The following MTFR1 variants were observed in gnomAD, a reference collection of about 807,000 sequenced individuals.
MTFR1 encodes mitochondrial fission regulator 1, also known as chondrocyte protein with a poly-proline region.
A neutral mutation model predicts 38.8 loss-of-function variants in MTFR1; 28 were observed. The ratio of observed to expected loss-of-function variants is 0.72; its 90% CI spans 0.53 to 0.99. The LOEUF (loss-of-function observed/expected upper bound fraction) is 0.99, where lower values mean the gene tolerates loss of function less well. MTFR1 is among the 50% of genes least tolerant of loss of function. The pLI is 0.00. For synonymous variants in MTFR1, 145 were observed against 137.0 expected, an observed-to-expected ratio of 1.06 and a Z score of -0.41; for missense variants, 358 against 395.5, an observed-to-expected ratio of 0.91 and a Z score of 0.81.
chr8:65,734,347 CT>C (rs1807032986), intron 3 of MTFR1, among the ~76,000 whole-genome samples: 1 of 152,228 alleles, frequency 6.6e-6, no homozygotes, highest in South Asian at 2.1e-4. Flanking sequence ...CCACTCTGCT[CT>C]CTTCCATGGA....
chr8:65,698,698 C>T (rs1805519727), intron 4 of MTFR1, among the ~76,000 whole-genome samples: 1 of 151,616 alleles, frequency 6.6e-6, no homozygotes, highest in African/African-American at 2.4e-5. Flanking sequence ...TCACCTTCTA[C>T]TCTCAAGTAG....
downstream of MTFR1, among the ~76,000 whole-genome samples, chr8:65,775,074 T>C (rs1363294026): frequency 6.6e-6 from 1 of 152,200 alleles, no homozygotes; most frequent in Non-Finnish European, 1.5e-5. Context: ...AGTGTTCAAA[T>C]ATATTTTTGG....
chr8:65,741,574 G>C (rs1807439425), intron 3 of MTFR1, among the ~76,000 whole-genome samples: 1 of 152,114 alleles, frequency 6.6e-6, no homozygotes, highest in Non-Finnish European at 1.5e-5. Context: ...CATGTGGAAA[G>C]AAAAAAGCAT....
At chr8:65,735,782 T>C (rs964798824) in intron 3 of MTFR1, among the ~76,000 whole-genome samples, 1 of 152,122 alleles carries the variant, frequency 6.6e-6, no homozygotes, top group African/African-American at 2.4e-5. Context: ...CCTGCCATCA[T>C]GCTCGGCTAA....
At chr8:65,679,063 A>T (rs1371651055) in intron 2 of MTFR1, among the ~76,000 whole-genome samples, 1 of 152,202 alleles carries the variant, frequency 6.6e-6, no homozygotes, top group African/African-American at 2.4e-5. Context: ...AATCCTTTCT[A>T]AATTTTTCTT....
At chr8:65,774,319 A>ATAC (rs1809195891), downstream of MTFR1, among the ~76,000 whole-genome samples, 2 of 151,560 alleles carry the variant, frequency 1.3e-5, no homozygotes, top group African/African-American at 4.9e-5. Context: ...TAGTGAGAAT[A>ATAC]TTATAAAAAG....
intron 1 of MTFR1, among the ~76,000 whole-genome samples, chr8:65,659,665 C>T (rs974345973): frequency 1.1e-4 from 16 of 151,906 alleles, no homozygotes; most frequent in South Asian, 4.2e-4. Context: ...TGACAGGAAG[C>T]GGGTAGGCTG....
chr8:65,690,013 G>C lies in MTFR1; in HGVS notation c.166-3631G>C, dbSNP rs528778120. ...ACTTGGTATCATTTGCCTAATTAAG[G>C]CTTAAGTAAGATCCAAATTAAGTCC... On this transcript the variant is annotated intron_variant, in intron 3 of 7. Coordinates refer to ENST00000262146, the MANE Select transcript of MTFR1 (RefSeq NM_014637.4). Among the ~76,000 whole-genome samples the C allele has an allele frequency of 2.6e-5, 4 of 152,164 alleles. No individual in the cohort carries two copies. In the East Asian group the frequency reaches 7.7e-4, roughly 29 times the overall value.
At chr8:65,660,622 C>G (rs912472814) in intron 1 of MTFR1, among the ~76,000 whole-genome samples, 1 of 152,182 alleles carries the variant, frequency 6.6e-6, no homozygotes, top group Non-Finnish European at 1.5e-5. Flanking sequence ...AGCTTGCACA[C>G]GGCAGACTGT....
At chr8:65,720,874 C>T (rs10504391) in intron 3 of MTFR1, among the ~76,000 whole-genome samples, 3,710 of 152,290 alleles carry the variant, frequency 0.024, 167 homozygotes, top group African/African-American at 0.083. Flanking sequence ...GTCTTTCCTA[C>T]GTGCCATAAA....
chr8:65,769,247 CAAAAAAAAAAA>C (rs61554087), intron 3 of MTFR1, among the ~76,000 whole-genome samples: 2 of 74,456 alleles, frequency 2.7e-5, no homozygotes, highest in Admixed American at 3.1e-4. Flanking sequence ...GACTCAGTCT[CAAAAAAAAAAA>C]AAAAAAAAAA....
At chr8:65,758,004 T>C (rs1808317982) in intron 3 of MTFR1, among the ~76,000 whole-genome samples, 1 of 152,098 alleles carries the variant, frequency 6.6e-6, no homozygotes. Flanking sequence ...TAGTCCTCCT[T>C]TTCTCCACTT....
chr8:65,695,967 A>G (rs1805428579), intron 4 of MTFR1, among the ~76,000 whole-genome samples: 2 of 152,106 alleles, frequency 1.3e-5, no homozygotes, highest in Admixed American at 6.5e-5. Context: ...ACCCCAACCC[A>G]TCACCCAAAG....
intron 3 of MTFR1, chr8:65,735,041 C>T (rs1315958935): frequency 1.6e-6 from 1 of 617,686 alleles, no homozygotes; most frequent in East Asian, 2.7e-5. Context: ...ATAATCACCT[C>T]ACAACTCACA....
chr8:65,721,082 A>G (rs568756614), intron 3 of MTFR1, among the ~76,000 whole-genome samples: 1 of 152,250 alleles, frequency 6.6e-6, no homozygotes, highest in African/African-American at 2.4e-5. Context: ...TACCTGATAA[A>G]AATGAACAGA....
At chr8:65,724,320 G>C (rs1303604147) in intron 3 of MTFR1, 1 of 1,612,330 alleles carries the variant, frequency 6.2e-7, no homozygotes, top group Non-Finnish European at 8.5e-7. Context: ...CGTCCGACAT[G>C]GGTTACAAAT....
the MTFR1 span, among the ~76,000 whole-genome samples, chr8:65,778,552 G>C: frequency 6.6e-6 from 1 of 152,190 alleles, no homozygotes; most frequent in Non-Finnish European, 1.5e-5. Context: ...CTGAATTCCT[G>C]ATTCTCGGAA....
chr8:65,714,217 G>A (rs1806042228), downstream of MTFR1: 1 of 149,736 alleles, frequency 6.7e-6, no homozygotes, highest in African/African-American at 2.5e-5. Flanking sequence ...GCCATCTTCT[G>A]CACACAACAG....
At chr8:65,720,930 T>C (rs527315898) in intron 3 of MTFR1, among the ~76,000 whole-genome samples, 33 of 152,348 alleles carry the variant, frequency 2.2e-4, no homozygotes, top group African/African-American at 7.7e-4. Flanking sequence ...CTTATTATTA[T>C]AGGTTTCATA....
Sources: allele counts gnomAD v4.1 joint callset (sites outside exome capture counted in the v4.1 genomes callset), GRCh38; gene constraint gnomAD v4.1.1; transcripts MANE v1.5; gene names NCBI Gene and HGNC (gene_info 2026-07-23, HGNC 2026-07-21).